ESRRG: variants seen among roughly 807,000 people sequenced by gnomAD.
The protein encoded by ESRRG is estrogen related receptor gamma.
Under a neutral mutation model 44.0 loss-of-function variants are expected in ESRRG, and 13 were observed. The observed-to-expected ratio is 0.30, with a 90% CI of 0.19 to 0.47. The LOEUF is 0.47. ESRRG is among the 20% of genes least tolerant of loss of function. ESRRG has a pLI of 1.00. For synonymous variants in ESRRG, 215 were observed against 214.6 expected (o/e 1.00, Z -0.02); for missense variants, 395 against 580.6 (o/e 0.68, Z 3.29).
intron 4 of ESRRG, 109 bp downstream of exon 4, chr1:216,567,879 G>A (rs1388942441): frequency 2.9e-6 from 2 of 679,964 alleles, no homozygotes; most frequent in African/African-American, 3.5e-5. Context: ...CTCCAACAAA[G>A]AGAAGTCTCC....
chr1:217,023,058 C>T (rs902304910), intron 1 of ESRRG, among the ~76,000 whole-genome samples: 7 of 152,066 alleles, frequency 4.6e-5, no homozygotes, highest in African/African-American at 7.3e-5. Context: ...TTTATCAAAC[C>T]ATTACTTGTT....
At chr1:216,647,233 T>A (rs2067805207) in intron 3 of ESRRG, among the ~76,000 whole-genome samples, 1 of 152,124 alleles carries the variant, frequency 6.6e-6, no homozygotes, top group Non-Finnish European at 1.5e-5. Flanking sequence ...AGATATCATA[T>A]AATAGATGGG....
chr1:216,696,145 A>G (rs2080116472), intron 1 of ESRRG, among the ~76,000 whole-genome samples: 1 of 152,212 alleles, frequency 6.6e-6, no homozygotes, highest in Non-Finnish European at 1.5e-5. Context: ...CTGAGGGAAA[A>G]AAATTACAAC....
At chr1:216,724,393 C>A, upstream of ESRRG, among the ~76,000 whole-genome samples, 1 of 142,864 alleles carries the variant, frequency 7.0e-6, no homozygotes, top group African/African-American at 2.6e-5. Flanking sequence ...GAGAGCATTA[C>A]TAAACAGTGC....
chr1:216,843,418 A>G (rs781165854), intron 2 of ESRRG, among the ~76,000 whole-genome samples: 3 of 152,132 alleles, frequency 2.0e-5, no homozygotes, highest in African/African-American at 7.2e-5. Flanking sequence ...AAGATGTTGA[A>G]TTACGTTAAA....
chr1:216,958,869 C>T (rs1370119705), intron 1 of ESRRG, among the ~76,000 whole-genome samples: 9 of 152,022 alleles, frequency 5.9e-5, no homozygotes, highest in African/African-American at 2.2e-4. Context: ...TTTTCTTGTC[C>T]CAGAGATCCA....
At chr1:217,042,089 G>C (rs1399077898) in intron 1 of ESRRG, among the ~76,000 whole-genome samples, 5 of 151,964 alleles carry the variant, frequency 3.3e-5, no homozygotes, top group Non-Finnish European at 7.4e-5. Flanking sequence ...CTAATAGGTG[G>C]GCTTGCTCTA....
At chr1:216,932,174 A>G (rs974924721) in intron 2 of ESRRG, among the ~76,000 whole-genome samples, 2 of 152,252 alleles carry the variant, frequency 1.3e-5, no homozygotes, top group African/African-American at 4.8e-5. Context: ...ACTGCATTCC[A>G]GCTTGGGAGA....
chr1:216,679,536 T>C (rs1032587967), intron 1 of ESRRG, among the ~76,000 whole-genome samples: 3 of 152,156 alleles, frequency 2.0e-5, no homozygotes, highest in Admixed American at 6.5e-5. Flanking sequence ...TTGCTCCCCT[T>C]TCCTCTCTCC....
chr1:216,936,508 A>AAC (rs144427959), intron 2 of ESRRG, among the ~76,000 whole-genome samples: 65 of 150,796 alleles, frequency 4.3e-4, no homozygotes, highest in Admixed American at 1.1e-3. Flanking sequence ...CACACACACA[A>AAC]ACACACACAC....
At chr1:216,551,465 G>A (rs1226026595) in intron 5 of ESRRG, among the ~76,000 whole-genome samples, 1 of 152,008 alleles carries the variant, frequency 6.6e-6, no homozygotes, top group Non-Finnish European at 1.5e-5. Context: ...CATATAAAAT[G>A]TACTCAACCA....
At chr1:216,923,403 A>T (rs1465748034) in intron 2 of ESRRG, among the ~76,000 whole-genome samples, 1 of 152,146 alleles carries the variant, frequency 6.6e-6, no homozygotes, top group African/African-American at 2.4e-5. Context: ...CAAAACAAAC[A>T]CAGAGACTGT....
intron 1 of ESRRG, among the ~76,000 whole-genome samples, chr1:216,947,805 T>TA (rs531272246): frequency 2.6e-4 from 39 of 152,308 alleles, no homozygotes; most frequent in African/African-American, 9.1e-4. Flanking sequence ...GACACACAGC[T>TA]AACCATATTC....
chr1:216,718,666 C>T (rs1192202403), intron 1 of ESRRG, among the ~76,000 whole-genome samples: 1 of 151,932 alleles, frequency 6.6e-6, no homozygotes, highest in African/African-American at 2.4e-5. Flanking sequence ...AATACAATGC[C>T]AGTGGATGTA....
intron 1 of ESRRG, among the ~76,000 whole-genome samples, chr1:217,053,664 A>G (rs2086556109): frequency 6.6e-6 from 1 of 152,184 alleles, no homozygotes; most frequent in Admixed American, 6.5e-5. Flanking sequence ...AATAATTTGC[A>G]TGGCATGACA....
rs74604563 is a variant in ESRRG at position 216,768,991 on chromosome 1, T to C, written c.-13-91500A>G. Among the ~76,000 whole-genome samples the C allele has an allele frequency of 3.8e-3, 574 of 152,076 alleles. 5 individuals are homozygous for C. The highest frequency in any genetic ancestry group is 0.012 in the African/African-American group (496 of 41,484). ...GAACTGACATTAAGTCACATTTTAA[T>C]CATAATATACTTCAACAAATGCCTA... On this transcript the variant is annotated intron_variant, in intron 2 of 7. Coordinates refer to the ESRRG transcript ENST00000359162.
At chr1:217,047,794 A>G (rs1340225244) in intron 1 of ESRRG, among the ~76,000 whole-genome samples, 2 of 152,164 alleles carry the variant, frequency 1.3e-5, no homozygotes, top group African/African-American at 4.8e-5. Context: ...GGCTTTGTAC[A>G]AAGAGAGAAA....
intron 1 of ESRRG, among the ~76,000 whole-genome samples, chr1:217,013,991 T>C (rs1207087596): frequency 6.6e-6 from 1 of 152,124 alleles, no homozygotes; most frequent in Non-Finnish European, 1.5e-5. Flanking sequence ...TAATGCTTTA[T>C]CAGAGCAATG....
At chr1:216,810,461 A>G (rs1417302170) in intron 2 of ESRRG, among the ~76,000 whole-genome samples, 6 of 151,822 alleles carry the variant, frequency 4.0e-5, no homozygotes, top group African/African-American at 1.2e-4. Context: ...ACACAAGGGG[A>G]GGAGACACAA....
Sources: gnomAD v4.1 joint callset for allele counts (sites outside exome capture counted in the v4.1 genomes callset) on GRCh38, gnomAD v4.1.1 for gene constraint, MANE v1.5 for transcripts, NCBI Gene and HGNC (gene_info 2026-07-23, HGNC 2026-07-21) for gene names.